Variants in ZNF536 observed in about 807,000 individuals in gnomAD.
ZNF536 encodes zinc finger protein 536.
In ZNF536, 13 loss-of-function variants were observed where a neutral mutation model predicts 84.5. That is an observed-to-expected ratio of 0.15 (90% CI 0.10 to 0.24). The LOEUF is 0.24. Among genes scored for constraint, ZNF536 ranks in the 10% least tolerant of loss-of-function variants. The probability of loss-of-function intolerance (pLI) is 1.00; values close to 1 mark genes in which losing one functional copy is unlikely to be tolerated. For synonymous variants in ZNF536, 811 were observed against 742.5 expected, an observed-to-expected ratio of 1.09 and a Z score of -1.50; for missense variants, 1,536 against 1,747.5, an observed-to-expected ratio of 0.88 and a Z score of 2.16.
At chr19:30,588,649 T>G (rs2047177748) in intron 1 of ZNF536, among the ~76,000 whole-genome samples, 1 of 152,218 alleles carries the variant, frequency 6.6e-6, no homozygotes, top group Non-Finnish European at 1.5e-5. Flanking sequence ...CTCCAACATT[T>G]GCTCATCACA....
chr19:30,695,586 G>A (rs2051623637), intron 1 of ZNF536, among the ~76,000 whole-genome samples: 2 of 152,088 alleles, frequency 1.3e-5, no homozygotes, highest in South Asian at 2.1e-4. Context: ...GAACGACAGT[G>A]TATAGTAGGT....
intron 1 of ZNF536, among the ~76,000 whole-genome samples, chr19:30,231,602 T>C (rs2023048799): frequency 1.3e-5 from 2 of 152,160 alleles, no homozygotes; most frequent in Admixed American, 6.5e-5. Context: ...CTTCATGTGG[T>C]ACCTGCTCGG....
intron 1 of ZNF536, among the ~76,000 whole-genome samples, chr19:30,649,083 C>T (rs1250640081): frequency 1.3e-5 from 2 of 152,178 alleles, no homozygotes; most frequent in African/African-American, 2.4e-5. Context: ...GGGTCTTGAG[C>T]CACCTCACTG....
intron 2 of ZNF536, among the ~76,000 whole-genome samples, chr19:30,493,565 T>C (rs2054596408): frequency 6.6e-6 from 1 of 152,230 alleles, no homozygotes; most frequent in Non-Finnish European, 1.5e-5. Flanking sequence ...TGGAACCGTT[T>C]AGGGCATCCA....
intron 1 of ZNF536, among the ~76,000 whole-genome samples, chr19:30,268,654 T>C (rs1054951343): frequency 6.6e-6 from 1 of 152,210 alleles, no homozygotes; most frequent in Non-Finnish European, 1.5e-5. Flanking sequence ...TTATTTATGC[T>C]CTTGACCTGT....
chr19:30,419,034 G>A (rs1192428308), intron 1 of ZNF536, among the ~76,000 whole-genome samples: 2 of 152,206 alleles, frequency 1.3e-5, no homozygotes, highest in Non-Finnish European at 1.5e-5. Flanking sequence ...ATAGCATTCA[G>A]AAGAGTGTTG....
chr19:30,358,488 AG>A (rs34114571), intron 3 of ZNF536, among the ~76,000 whole-genome samples: 1 of 152,212 alleles, frequency 6.6e-6, no homozygotes, highest in Non-Finnish European at 1.5e-5. Context: ...CACAGCCCCT[AG>A]GGCCGTTCCT....
chr19:30,598,110 T>A (rs1256865374), intron 1 of ZNF536, among the ~76,000 whole-genome samples: 5 of 152,178 alleles, frequency 3.3e-5, no homozygotes, highest in Admixed American at 3.3e-4. Context: ...GCTGCTGAAA[T>A]ATCCCGCCAG....
At chr19:30,454,080 G>A (rs1478501744) in intron 2 of ZNF536, among the ~76,000 whole-genome samples, 1 of 152,234 alleles carries the variant, frequency 6.6e-6, no homozygotes, top group African/African-American at 2.4e-5. Flanking sequence ...TGCTTCCAAA[G>A]GACAGGGTCA....
rs1444445738 is a variant in ZNF536 at position 30,549,473 on chromosome 19, G to A, written c.3854G>A (p.Ser1285Asn). Residue 1285 changes from serine (S) to asparagine (N), a missense_variant, in exon 4 of 5, where the codon AGC (serine) becomes AAC (asparagine). By Grantham distance (46) the Ser-to-Asn change is conservative (BLOSUM62 1). Coordinates refer to ENST00000355537, the MANE Select transcript of ZNF536 (RefSeq NM_014717.3). Reference protein sequence around the residue: ...GLAAFNGLASSTANSGCIKRP... With the variant: ...GLAAFNGLASNTANSGCIKRP... ...GCAGCCTTTAACGGACTTGCAAGTA[G>A]CACAGCAAATTCTGGATGTATCAAG... 6.6e-6 allele frequency: 10 copies of A among 1,518,862 alleles called. No individual in the cohort carries two copies. Among genetic ancestry groups the A allele is most frequent in the Non-Finnish European group, 7.9e-6 (9 of 1,134,132 alleles). 94.1% of individuals were successfully genotyped at this position (1,518,862 alleles called of 1,614,324 possible).
chr19:30,582,347 G>C (rs1343324789), intron 1 of ZNF536, among the ~76,000 whole-genome samples: 1 of 147,690 alleles, frequency 6.8e-6, no homozygotes, highest in Non-Finnish European at 1.5e-5. Context: ...CTACACAGCT[G>C]ATGTCCTGGC....
intron 2 of ZNF536, among the ~76,000 whole-genome samples, chr19:30,531,573 A>G (rs2044822494): frequency 6.6e-6 from 1 of 151,664 alleles, no homozygotes; most frequent in Non-Finnish European, 1.5e-5. Flanking sequence ...TCGATAGGTA[A>G]TTTTTCAACC....
At chr19:30,446,271 A>AAAAAAAAAAG (rs1555767559) in intron 2 of ZNF536, among the ~76,000 whole-genome samples, 17 of 147,152 alleles carry the variant, frequency 1.2e-4, no homozygotes, top group African/African-American at 1.0e-4. Context: ...AAAAAAAAAA[A>AAAAAAAAAAG]AAAGAAAGAA....
chr19:30,279,990 T>G (rs954605989), intron 1 of ZNF536, among the ~76,000 whole-genome samples: 2 of 152,074 alleles, frequency 1.3e-5, no homozygotes, highest in Non-Finnish European at 2.9e-5. Context: ...CAGTGACCCA[T>G]CCGGGGAAGG....
At chr19:30,404,726 T>C (rs2050194343) in intron 1 of ZNF536, among the ~76,000 whole-genome samples, 2 of 152,004 alleles carry the variant, frequency 1.3e-5, no homozygotes, top group South Asian at 2.1e-4. Context: ...TGACCAAATG[T>C]CCGGAGGCGG....
chr19:30,261,297 CAAAAAAAAAAAAAAA>C (rs66862950), intron 1 of ZNF536, among the ~76,000 whole-genome samples: 3 of 23,576 alleles, frequency 1.3e-4, no homozygotes, highest in Non-Finnish European at 2.5e-4. Context: ...GACTCCGTCT[CAAAAAAAAAAAAAAA>C]AAAAAAAAAA....
chr19:30,542,412 T>C (rs1599745075), intron 3 of ZNF536, among the ~76,000 whole-genome samples: 2 of 152,372 alleles, frequency 1.3e-5, no homozygotes, highest in South Asian at 4.1e-4. Context: ...TCAATGATAT[T>C]CTAAAGCTAA....
chr19:30,402,138 T>A (rs538274020), intron 1 of ZNF536, among the ~76,000 whole-genome samples: 2 of 152,210 alleles, frequency 1.3e-5, no homozygotes, highest in Non-Finnish European at 2.9e-5. Context: ...TAATTTTTCA[T>A]GTATGCATAC....
At position 30,438,791 on chromosome 19, in the gene ZNF536, A is replaced by G. The variant is rs375766485; in HGVS notation, c.-2-4770A>G. On this transcript the variant is annotated intron_variant, in intron 1 of 4. Transcript: ENST00000355537. ...TTCCCAAGGCTCAAGTGATCCTCCC[A>G]CCTCAGCCTCCCATGTAGTTGGGAC... Among the ~76,000 whole-genome samples, 29 of 152,154 alleles carry G rather than the reference A, an allele frequency of 1.9e-4. No individual in the cohort carries two copies. In the East Asian group the frequency reaches 2.1e-3, roughly 11 times the overall value.
Sources: allele counts gnomAD v4.1 joint callset (sites outside exome capture counted in the v4.1 genomes callset), GRCh38; gene constraint gnomAD v4.1.1; transcripts MANE v1.5; gene names NCBI Gene and HGNC (gene_info 2026-07-23, HGNC 2026-07-21).